Variants in FOSB observed in about 807,000 individuals in gnomAD.
FOSB encodes the protein FosB proto-oncogene, AP-1 transcription factor subunit.
A neutral mutation model predicts 31.1 loss-of-function variants in FOSB; 8 were observed. The observed-to-expected ratio is 0.26, with a 90% CI of 0.15 to 0.46. FOSB has a LOEUF of 0.46. Ranked by LOEUF, FOSB falls within the 20% of genes least tolerant of loss-of-function variation. The pLI is 0.99. For synonymous variants in FOSB, 214 were observed against 206.1 expected (o/e 1.04, Z -0.33); for missense variants, 376 against 460.6 (o/e 0.82, Z 1.68).
chr19:45,472,851 G>C lies in FOSB; in HGVS notation c.856G>C (p.Val286Leu). 6.2e-7 allele frequency: 1 copy of C among 1,614,178 alleles called. No homozygotes were observed. The highest frequency in any genetic ancestry group is 8.5e-7 in the Non-Finnish European group (1 of 1,180,052). The change falls in exon 4 of 4, where the codon GTT (valine) becomes CTT (leucine). Residue 286 changes from valine to leucine, a missense_variant. Around this residue, in one of 3 missense-constraint regions of FOSB, gnomAD observed 148 missense variants for 170.0 expected, o/e 0.87. Coordinates refer to ENST00000353609, the MANE Select transcript of FOSB (RefSeq NM_006732.3). The surrounding 1 kb of genome is among the most constrained non-coding windows in gnomAD (Gnocchi z 5.4). ...GGCTTCTCTCTTTACACACAGTGAA[G>C]TTCAAGTCCTCGGCGACCCCTTCCC... Reference protein sequence around the residue: ...LTASLFTHSEVQVLGDPFPVV... With the variant: ...LTASLFTHSELQVLGDPFPVV...
rs1200936896 is a variant in FOSB at position 45,468,934 on chromosome 19, TG to T, written c.126+226del. Among the ~76,000 whole-genome samples, 23 of 149,024 alleles carry T rather than the reference TG, an allele frequency of 1.5e-4. No individual in the cohort carries two copies. Among genetic ancestry groups the T allele is most frequent in the African/African-American group, 5.4e-4 (22 of 40,378 alleles). ...GGAACGCGGCAGGGAGGGTAGGCTT[TG>T]GGGCGAGGTGGGGGTGGGGTGGGTA... On this transcript the variant is annotated intron_variant, in intron 1 of 3. Transcript: ENST00000353609. This position sits in a 1 kb window ranked among gnomAD's most constrained non-coding sequence, Gnocchi z 4.8.
Position 45,468,606 on chromosome 19 carries a change from G to T in FOSB, c.20G>T (p.Gly7Val). Residue 7 changes from glycine (G) to valine (V), a missense_variant, in exon 1 of 4, where the codon GGA (glycine) becomes GTA (valine). Gly to Val is a moderately radical substitution (Grantham distance 109). Around this residue, in one of 3 missense-constraint regions of FOSB, gnomAD observed 193 missense variants for 207.1 expected, o/e 0.93. Coordinates refer to ENST00000353609, the MANE Select transcript of FOSB (RefSeq NM_006732.3). The surrounding 1 kb of genome is among the most constrained non-coding windows in gnomAD (Gnocchi z 4.8). The part of the protein sequence containing the change: MFQAFP[G>V]DYDSGSRCSS... ...AGGGAAATGTTTCAGGCTTTCCCCG[G>T]AGACTACGACTCCGGCTCCCGGTGC... 1.2e-6 allele frequency: 2 copies of T among 1,613,038 alleles called. No individual in the cohort carries two copies. Among genetic ancestry groups the T allele is most frequent in the Non-Finnish European group, 1.7e-6 (2 of 1,179,768 alleles).
chr19:45,468,725 T>TA lies in FOSB; in HGVS notation c.126+14dup. On this transcript the variant is annotated intron_variant, in intron 1 of 3. Transcript: ENST00000353609. The surrounding 1 kb of genome is among the most constrained non-coding windows in gnomAD (Gnocchi z 4.8). The stretch of plus-strand genomic sequence containing the variant: ...CGCCGCCTCCCAGGTAAGTTTTTGA[T>TA]AGTAGGGGTGCTGCTTTGTAGGTTT... 6.3e-7 allele frequency: 1 copy of TA among 1,597,674 alleles called. No homozygotes were observed.
Position 45,468,067 on chromosome 19 carries a change from GTTC to G in FOSB, c.-514_-512del, listed in dbSNP as rs1967482904. ...AAGACTTGGAAACTTGATTGTTGTG[GTTC>G]TTCTTGGGGGTTATGAAATTTCATT... On this transcript the variant is annotated 5_prime_UTR_variant, in exon 1 of 4. Coordinates refer to ENST00000353609, the MANE Select transcript of FOSB (RefSeq NM_006732.3). The surrounding 1 kb of genome is among the most constrained non-coding windows in gnomAD (Gnocchi z 4.8). The G allele has an allele frequency of 6.6e-6, 1 of 151,784 alleles. No homozygotes were observed. The highest frequency in any genetic ancestry group is 1.5e-5 in the Non-Finnish European group (1 of 68,054). 9.4% of individuals were successfully genotyped at this position (151,784 alleles called of 1,614,324 possible). A position where few individuals can be genotyped will look rare whatever the true frequency, so the allele number is the denominator to read the frequency against.
chr19:45,474,766 C>G lies in FOSB; in HGVS notation c.*1754C>G, dbSNP rs1967795225. On this transcript the variant is annotated 3_prime_UTR_variant, in exon 4 of 4. Coordinates refer to ENST00000353609, the MANE Select transcript of FOSB (RefSeq NM_006732.3). The stretch of plus-strand genomic sequence containing the variant: ...TGACCCTTTTCTGATCGTCTCGGCC[C>G]CTCTGATTGTTCCCGATGGTCTCTC... The G allele has an allele frequency of 6.6e-6, 1 of 152,022 alleles. No individual in the cohort carries two copies. The highest frequency in any genetic ancestry group is 1.5e-5 in the Non-Finnish European group (1 of 68,026). The allele number at this position is 152,022 out of a possible 1,614,324, so 9.4% of individuals were successfully genotyped here.
In FOSB at chr19:45,472,486, C is replaced by T. The variant is rs1967713004; in HGVS notation, c.556-65C>T. The T allele has an allele frequency of 4.5e-6, 6 of 1,335,570 alleles. No individual in the cohort carries two copies. The South Asian group carries it at 5.0e-5, about 11-fold the overall frequency. 82.7% of individuals were successfully genotyped at this position (1,335,570 alleles called of 1,614,324 possible). A position where few individuals can be genotyped will look rare whatever the true frequency, so the allele number is the denominator to read the frequency against. On this transcript the variant is annotated intron_variant, in intron 3 of 3. Transcript: ENST00000353609. This position sits in a 1 kb window ranked among gnomAD's most constrained non-coding sequence, Gnocchi z 5.4. ...CAAGGGAGCCATGACCCGAGTTTCCCGGTCACTGACATGCTTTTTTCTCCT... is the reference window on the plus strand; with the variant it reads ...CAAGGGAGCCATGACCCGAGTTTCCTGGTCACTGACATGCTTTTTTCTCCT...
Position 45,468,697 on chromosome 19 carries a change from C to T in FOSB, c.111C>T (p.Thr37=), listed in dbSNP as rs200410840. The change falls in exon 1 of 4, where the codon ACC becomes ACT. Residue 37 remains threonine (T), a synonymous_variant. Transcript: ENST00000353609. The surrounding 1 kb of genome is among the most constrained non-coding windows in gnomAD (Gnocchi z 4.8). ...TGGACTCCTTCGGCAGTCCACCCAC[C>T]GCCGCCGCCTCCCAGGTAAGTTTTT... ...SSVDSFGSPP[T]AAASQECAGL... 3.1e-6 allele frequency: 5 copies of T among 1,606,408 alleles called. No individual in the cohort carries two copies. The highest frequency in any genetic ancestry group is 2.2e-5 in the South Asian group (2 of 90,050).
chr19:45,468,460 C>T lies in FOSB; in HGVS notation c.-127C>T. 1 of 1,001,724 alleles carries T rather than the reference C, an allele frequency of 1.0e-6. No individual in the cohort carries two copies. Among genetic ancestry groups the T allele is most frequent in the South Asian group, 1.6e-5 (1 of 62,500 alleles). The allele number at this position is 1,001,724 out of a possible 1,614,324, so 62.1% of individuals were successfully genotyped here. A position where few individuals can be genotyped will look rare whatever the true frequency, so the allele number is the denominator to read the frequency against. On this transcript the variant is annotated 5_prime_UTR_variant, in exon 1 of 4. Transcript: ENST00000353609. The surrounding 1 kb of genome is among the most constrained non-coding windows in gnomAD (Gnocchi z 4.8). ...TTCCCCGGACAGCGTACTTTGAGGACTCGCTCAGCTCACCGGGGACTCCCA... is the reference window on the plus strand; with the variant it reads ...TTCCCCGGACAGCGTACTTTGAGGATTCGCTCAGCTCACCGGGGACTCCCA...
At position 45,470,724 on chromosome 19, in the gene FOSB, C is replaced by A; in HGVS notation, c.222C>A (p.Thr74=). 6.2e-7 allele frequency: 1 copy of A among 1,613,372 alleles called. No homozygotes were observed. The highest frequency in any genetic ancestry group is 8.5e-7 in the Non-Finnish European group (1 of 1,180,028). Residue 74 remains threonine, a synonymous_variant, in exon 2 of 4, where the codon ACC becomes ACA. Transcript: ENST00000353609. Reference sequence around the variant, plus strand: ...ACCTCCAGTGGCTTGTGCAACCCACCCTCATCTCTTCCATGGCCCAGTCCC... The same window carrying A: ...ACCTCCAGTGGCTTGTGCAACCCACACTCATCTCTTCCATGGCCCAGTCCC... The part of the protein sequence containing the change: ...SQDLQWLVQP[T]LISSMAQSQG...
Position 45,468,011 on chromosome 19 carries a change from A to T in FOSB, c.-576A>T, listed in dbSNP as rs1362676460. On this transcript the variant is annotated 5_prime_UTR_variant, in exon 1 of 4. Coordinates refer to ENST00000353609, the MANE Select transcript of FOSB (RefSeq NM_006732.3). This position sits in a 1 kb window ranked among gnomAD's most constrained non-coding sequence, Gnocchi z 4.8. ...TCTGTGCTTCATTCATAAGACTCAGAGCTACGGCCACGGCAGGGACACGCG... is the reference window on the plus strand; with the variant it reads ...TCTGTGCTTCATTCATAAGACTCAGTGCTACGGCCACGGCAGGGACACGCG... 6.6e-6 allele frequency: 1 copy of T among 152,130 alleles called. No individual in the cohort carries two copies. Among genetic ancestry groups the T allele is most frequent in the Non-Finnish European group, 1.5e-5 (1 of 68,024 alleles). 9.4% of individuals were successfully genotyped at this position (152,130 alleles called of 1,614,324 possible).
rs1366256620 is a variant in FOSB, at chr19:45,472,771, C to G, written c.776C>G (p.Pro259Arg). 1.9e-6 allele frequency: 3 copies of G among 1,614,002 alleles called. No homozygotes were observed. Among genetic ancestry groups the G allele is most frequent in the Non-Finnish European group, 2.5e-6 (3 of 1,179,958 alleles). ...EDGFSWLLPPPPPPPLPFQTS... is the reference protein window; with the variant it reads ...EDGFSWLLPPRPPPPLPFQTS... Reference sequence around the variant, plus strand: ...GGCTTCAGCTGGCTGCTGCCGCCCCCGCCACCACCGCCCCTGCCCTTCCAG... The same window carrying G: ...GGCTTCAGCTGGCTGCTGCCGCCCCGGCCACCACCGCCCCTGCCCTTCCAG... The change falls in exon 4 of 4, where the codon CCG (proline) becomes CGG (arginine). Residue 259 changes from proline to arginine, a missense_variant. Coordinates refer to ENST00000353609, the MANE Select transcript of FOSB (RefSeq NM_006732.3). The surrounding 1 kb of genome is among the most constrained non-coding windows in gnomAD (Gnocchi z 5.4).
rs201294335 is a variant in FOSB, at chr19:45,472,868, C to T, written c.873C>T (p.Asp291=). The change falls in exon 4 of 4, where the codon GAC becomes GAT. Residue 291 remains aspartate (D), a synonymous_variant. Transcript: ENST00000353609. The surrounding 1 kb of genome is among the most constrained non-coding windows in gnomAD (Gnocchi z 5.4). ...FTHSEVQVLG[D]PFPVVNPSYT... is the part of the protein sequence containing the mutation. ...ACAGTGAAGTTCAAGTCCTCGGCGA[C>T]CCCTTCCCCGTTGTTAACCCTTCGT... 15 of 1,614,214 alleles carry T rather than the reference C, an allele frequency of 9.3e-6. No individual in the cohort carries two copies. In the African/African-American group the frequency reaches 1.1e-4, roughly 11 times the overall value.
Position 45,473,588 on chromosome 19 carries a change from GCCCCCCCCTTAAA to G in FOSB, c.*577_*589del, listed in dbSNP as rs1967758634. The G allele has an allele frequency of 7.6e-6, 1 of 131,860 alleles. No individual in the cohort carries two copies. Among genetic ancestry groups the G allele is most frequent in the Non-Finnish European group, 1.6e-5 (1 of 63,468 alleles). The allele number at this position is 131,860 out of a possible 1,614,324, so 8.2% of individuals were successfully genotyped here. On this transcript the variant is annotated 3_prime_UTR_variant, in exon 4 of 4. Coordinates refer to ENST00000353609, the MANE Select transcript of FOSB (RefSeq NM_006732.3). Reference sequence around the variant, plus strand: ...TCCTCTTTACTCTGGGCAGAAGTGAGCCCCCCCCTTAAAGGGAATTCGATGCCCCCCTAGAATA... The same window carrying G: ...TCCTCTTTACTCTGGGCAGAAGTGAGGGGAATTCGATGCCCCCCTAGAATA...
intron 2 of FOSB, 24 bp downstream of exon 2, chr19:45,470,973 G>C (rs1967634350): frequency 6.2e-7 from 1 of 1,606,498 alleles, no homozygotes; most frequent in East Asian, 2.2e-5. Flanking sequence ...ATCAGAACTT[G>C]GCCTGGGTAG....
At chr19:45,469,263 C>T (rs1266790663) in intron 1 of FOSB, among the ~76,000 whole-genome samples, 1 of 152,224 alleles carries the variant, frequency 6.6e-6, no homozygotes, top group Non-Finnish European at 1.5e-5. Flanking sequence ...CTGGAATCCT[C>T]CGTCTGACGC....
At chr19:45,469,297 C>A (rs1412830091) in intron 1 of FOSB, among the ~76,000 whole-genome samples, 1 of 152,242 alleles carries the variant, frequency 6.6e-6, no homozygotes, top group Non-Finnish European at 1.5e-5. Context: ...CGCGCGGCGC[C>A]CCCTTCGTCC....
At chr19:45,469,216 A>G (rs1466647551) in intron 1 of FOSB, among the ~76,000 whole-genome samples, 1 of 152,196 alleles carries the variant, frequency 6.6e-6, no homozygotes, top group Non-Finnish European at 1.5e-5. Flanking sequence ...TCCTGCGCGG[A>G]GACGTAACGG....
chr19:45,469,131 G>T lies in FOSB; in HGVS notation c.126+419G>T, dbSNP rs1342275860. On this transcript the variant is annotated intron_variant, in intron 1 of 3. Coordinates refer to ENST00000353609, the MANE Select transcript of FOSB (RefSeq NM_006732.3). ...TTTTCCTTTCCTCCTCCTTCGGAGC[G>T]CCCACTTCGGTGCCGGGTCGCCCTC... Among the ~76,000 whole-genome samples, 3 of 152,212 alleles carry T rather than the reference G, an allele frequency of 2.0e-5. No individual in the cohort carries two copies. In the South Asian group the frequency reaches 6.2e-4, roughly 31 times the overall value.
In FOSB at chr19:45,473,470, C is replaced by T. The variant is rs887951907; in HGVS notation, c.*458C>T. On this transcript the variant is annotated 3_prime_UTR_variant, in exon 4 of 4. Coordinates refer to ENST00000353609, the MANE Select transcript of FOSB (RefSeq NM_006732.3). ...AAAAATGCCACTCCCTACCCAATGT[C>T]TCCCACACCCACCCTTTTTTTGGGG... 1 of 168,312 alleles carries T rather than the reference C, an allele frequency of 5.9e-6. No individual in the cohort carries two copies. The highest frequency in any genetic ancestry group is 2.4e-5 in the African/African-American group (1 of 41,790). The allele number at this position is 168,312 out of a possible 1,614,324, so 10.4% of individuals were successfully genotyped here.
Sources: allele counts gnomAD v4.1 joint callset (sites outside exome capture counted in the v4.1 genomes callset), GRCh38; gene constraint gnomAD v4.1.1; regional missense constraint gnomAD v4.1.1; non-coding constraint Gnocchi (gnomAD v3.1); transcripts MANE v1.5; gene names NCBI Gene and HGNC (gene_info 2026-07-23, HGNC 2026-07-21).